PHACTR2: variants seen among roughly 807,000 people sequenced by gnomAD.
PHACTR2 encodes the protein chromosome 6 open reading frame 56.
Under a neutral mutation model 76.0 loss-of-function variants are expected in PHACTR2, and 30 were observed. The ratio of observed to expected loss-of-function variants is 0.39; its 90% CI spans 0.30 to 0.54. The LOEUF is 0.54. PHACTR2 is among the 20% of genes least tolerant of loss of function. PHACTR2 has a pLI of 0.61. For missense variants in PHACTR2, 696 were observed against 781.1 expected (o/e 0.89, Z 1.30); for synonymous variants, 292 against 292.5 (o/e 1.00, Z 0.02).
chr6:143,543,075 G>C lies in PHACTR2; in HGVS notation c.217+5868G>C, dbSNP rs1781186404. Among the ~76,000 whole-genome samples, 1 of 152,254 alleles carries C rather than the reference G, an allele frequency of 6.6e-6. No individual in the cohort carries two copies. The highest frequency in any genetic ancestry group is 2.4e-5 in the African/African-American group (1 of 41,466). On this transcript the variant is annotated intron_variant, in intron 1 of 11. Transcript: ENST00000367584. This position sits in a 1 kb window ranked among gnomAD's most constrained non-coding sequence, Gnocchi z 4.7. ...TGAAAGCAGAGAGGATACTCAGAAAGGGTGTGGCAGGCCAGACACAGCAGT... is the reference window on the plus strand; with the variant it reads ...TGAAAGCAGAGAGGATACTCAGAAACGGTGTGGCAGGCCAGACACAGCAGT...
rs761521081 is a variant in PHACTR2 at position 143,646,330 on chromosome 6, G to A, written c.13+38008G>A. On this transcript the variant is annotated intron_variant, in intron 1 of 11. Transcript: ENST00000305766. The surrounding 1 kb of genome is among the most constrained non-coding windows in gnomAD (Gnocchi z 4.1). Reference sequence around the variant, plus strand: ...ACTTTAAAACTCCTAAATAGAACAAGCATTTATCTAACCTTAATATCATAG... The same window carrying A: ...ACTTTAAAACTCCTAAATAGAACAAACATTTATCTAACCTTAATATCATAG... 8.5e-5 allele frequency among the ~76,000 whole-genome samples: 13 copies of A among 152,098 alleles called. No homozygotes were observed. Among genetic ancestry groups the A allele is most frequent in the Non-Finnish European group, 1.8e-4 (12 of 68,008 alleles).
intron 1 of PHACTR2, among the ~76,000 whole-genome samples, chr6:143,552,375 A>G (rs990812401): frequency 6.6e-6 from 1 of 152,210 alleles, no homozygotes; most frequent in Non-Finnish European, 1.5e-5. Flanking sequence ...GAAAACCCAG[A>G]GAGTCACTGA....
Position 143,653,693 on chromosome 6 carries a change from C to G in PHACTR2, c.13+45371C>G, listed in dbSNP as rs1222759554. Among the ~76,000 whole-genome samples, 1 of 151,582 alleles carries G rather than the reference C, an allele frequency of 6.6e-6. No individual in the cohort carries two copies. Among genetic ancestry groups the G allele is most frequent in the East Asian group, 1.9e-4 (1 of 5,186 alleles). On this transcript the variant is annotated intron_variant, in intron 1 of 11. Coordinates refer to the PHACTR2 transcript ENST00000305766. The surrounding 1 kb of genome is among the most constrained non-coding windows in gnomAD (Gnocchi z 4.9). ...AAGAAGAATAAAGTGAGAACTCTACCTTACATCATATTAAAAAATTAACTC... is the reference window on the plus strand; with the variant it reads ...AAGAAGAATAAAGTGAGAACTCTACGTTACATCATATTAAAAAATTAACTC...
rs756690708 is a variant in PHACTR2 at position 143,571,054 on chromosome 6, T to C, written c.217+33847T>C. ...GCAAAACTGGTACATGGAGTTCTCGTATACTCTTCACCTGGACTCCCCAAA... is the reference window on the plus strand; with the variant it reads ...GCAAAACTGGTACATGGAGTTCTCGCATACTCTTCACCTGGACTCCCCAAA... On this transcript the variant is annotated intron_variant, in intron 1 of 11. Coordinates refer to the PHACTR2 transcript ENST00000367584. The surrounding 1 kb of genome is among the most constrained non-coding windows in gnomAD (Gnocchi z 4.6). Among the ~76,000 whole-genome samples, 5 of 152,224 alleles carry C rather than the reference T, an allele frequency of 3.3e-5. No individual in the cohort carries two copies. The highest frequency in any genetic ancestry group is 5.9e-5 in the Non-Finnish European group (4 of 68,044).
rs1000591288 is a variant in PHACTR2 at position 143,639,437 on chromosome 6, A to G, written c.13+31115A>G. ...TATTCAGAGCCATTTTATAAGTGAC[A>G]CAAGCAAAATAATTCTTATTTTTAA... On this transcript the variant is annotated intron_variant, in intron 1 of 11. Coordinates refer to the PHACTR2 transcript ENST00000305766. The surrounding 1 kb of genome is among the most constrained non-coding windows in gnomAD (Gnocchi z 5.0). Among the ~76,000 whole-genome samples, 3 of 152,226 alleles carry G rather than the reference A, an allele frequency of 2.0e-5. No individual in the cohort carries two copies. The highest frequency in any genetic ancestry group is 7.2e-5 in the African/African-American group (3 of 41,468).
chr6:143,715,240 C>T (rs1778276402), intron 2 of PHACTR2, among the ~76,000 whole-genome samples: 1 of 152,180 alleles, frequency 6.6e-6, no homozygotes, highest in African/African-American at 2.4e-5. Context: ...GTCCAAAATA[C>T]CTCTTCCTTA....
chr6:143,608,762 T>A lies in PHACTR2; in HGVS notation c.13+440T>A, dbSNP rs1775930671. 6.6e-6 allele frequency among the ~76,000 whole-genome samples: 1 copy of A among 152,356 alleles called. No individual in the cohort carries two copies. Among genetic ancestry groups the A allele is most frequent in the Non-Finnish European group, 1.5e-5 (1 of 68,024 alleles). ...ATAAGAGCTCTTTGGTCTGATGCTT[T>A]CATCTTCACGTTAGGATGCAATGTC... is the stretch of plus-strand genomic sequence containing the variant. On this transcript the variant is annotated intron_variant, in intron 1 of 11. Coordinates refer to the PHACTR2 transcript ENST00000305766. The surrounding 1 kb of genome is among the most constrained non-coding windows in gnomAD (Gnocchi z 4.6).
intron 1 of PHACTR2, among the ~76,000 whole-genome samples, chr6:143,705,035 C>A (rs1386707499): frequency 6.6e-6 from 1 of 152,016 alleles, no homozygotes; most frequent in Non-Finnish European, 1.5e-5. Context: ...ACTGTGTTAG[C>A]CAGATGGTCT....
intron 1 of PHACTR2, among the ~76,000 whole-genome samples, chr6:143,582,015 G>T (rs7773678): frequency 2.0e-5 from 3 of 152,114 alleles, no homozygotes; most frequent in Non-Finnish European, 4.4e-5. Flanking sequence ...AGGCTGTACC[G>T]TCAATATGAG....
intron 2 of PHACTR2, among the ~76,000 whole-genome samples, chr6:143,735,952 A>T (rs1778807872): frequency 6.6e-6 from 1 of 152,202 alleles, no homozygotes; most frequent in Non-Finnish European, 1.5e-5. Context: ...TAATATAGGA[A>T]AAAGATATGT....
At chr6:143,719,748 G>A (rs62427402) in intron 2 of PHACTR2, among the ~76,000 whole-genome samples, 2,545 of 146,590 alleles carry the variant, frequency 0.017, 77 homozygotes, top group African/African-American at 0.062. Context: ...GAGAAGTTAC[G>A]TAACCAGCCA....
At chr6:143,788,550 T>C (rs1310929442) in intron 10 of PHACTR2, among the ~76,000 whole-genome samples, 2 of 152,038 alleles carry the variant, frequency 1.3e-5, no homozygotes, top group Non-Finnish European at 2.9e-5. Context: ...CCAAAGACTG[T>C]GACCTATCTA....
Position 143,565,110 on chromosome 6 carries a change from G to A in PHACTR2, c.217+27903G>A, listed in dbSNP as rs370281342. Among the ~76,000 whole-genome samples the A allele has an allele frequency of 5.3e-5, 8 of 152,250 alleles. No homozygotes were observed. In the East Asian group the frequency reaches 1.2e-3, roughly 22 times the overall value. On this transcript the variant is annotated intron_variant, in intron 1 of 11. Coordinates refer to the PHACTR2 transcript ENST00000367584. ...GAATGGAATGAAAATCAGCTTTCAC[G>A]AATCCATTCTCTCATTCTTCTCATT...
intron 10 of PHACTR2, among the ~76,000 whole-genome samples, chr6:143,785,839 G>A (rs916834089): frequency 3.3e-5 from 5 of 152,234 alleles, no homozygotes; most frequent in African/African-American, 1.2e-4. Flanking sequence ...TGGAGTGGCT[G>A]GGGCACAGGG....
Position 143,737,521 on chromosome 6 carries a change from C to A in PHACTR2, c.215-11464C>A, listed in dbSNP as rs867608032. Among the ~76,000 whole-genome samples the A allele has an allele frequency of 2.0e-5, 3 of 151,986 alleles. No individual in the cohort carries two copies. In the South Asian group the frequency reaches 6.2e-4, roughly 32 times the overall value. On this transcript the variant is annotated intron_variant, in intron 2 of 12. Transcript: ENST00000440869. ...ATATTCTTCCTTCTACATTTCATAG[C>A]CTTTCAGTCTTCAAGAAGGATGAGA... is the stretch of plus-strand genomic sequence containing the variant.
intron 6 of PHACTR2, among the ~76,000 whole-genome samples, chr6:143,768,876 G>T (rs1396084083): frequency 6.6e-6 from 1 of 152,154 alleles, no homozygotes. Flanking sequence ...TTAAATTTCA[G>T]TTCATCCTAC....
At chr6:143,813,617 CAA>C (rs373797909) in intron 12 of PHACTR2, among the ~76,000 whole-genome samples, 10,976 of 61,712 alleles carry the variant, frequency 0.18, 146 homozygotes, top group Non-Finnish European at 0.23. Context: ...GACTCCGCCT[CAA>C]AAAAAAAAAA....
Position 143,754,144 on chromosome 6 carries a change from T to TTAAAAG in PHACTR2, c.454+236_454+241dup. 1 of 294,034 alleles carries TTAAAAG rather than the reference T, an allele frequency of 3.4e-6. No individual in the cohort carries two copies. The highest frequency in any genetic ancestry group is 6.0e-5 in the East Asian group (1 of 16,692). 18.2% of individuals were successfully genotyped at this position (294,034 alleles called of 1,614,324 possible). A position where few individuals can be genotyped will look rare whatever the true frequency, so the allele number is the denominator to read the frequency against. On this transcript the variant is annotated intron_variant, in intron 4 of 12. Transcript: ENST00000440869. This position sits in a 1 kb window ranked among gnomAD's most constrained non-coding sequence, Gnocchi z 6.2. Reference sequence around the variant, plus strand: ...TTTTTTCAATTATTAAAAATGTTAATTAAAAGTAATAATCAGAAGGGGTGG... The same window carrying TTAAAAG: ...TTTTTTCAATTATTAAAAATGTTAATTAAAAGTAAAAGTAATAATCAGAAGGGGTGG...
chr6:143,826,753 T>G lies in PHACTR2; in HGVS notation c.*3064T>G, dbSNP rs993165971. 2.0e-5 allele frequency: 3 copies of G among 152,166 alleles called. No homozygotes were observed. The highest frequency in any genetic ancestry group is 7.2e-5 in the African/African-American group (3 of 41,432). The allele number at this position is 152,166 out of a possible 1,614,324, so 9.4% of individuals were successfully genotyped here. On this transcript the variant is annotated 3_prime_UTR_variant, in exon 13 of 13. Coordinates refer to ENST00000440869, the MANE Select transcript of PHACTR2 (RefSeq NM_001100164.2). ...ATAATTTCCTGTGTTATGTGAAGTG[T>G]CTTGCACTTTCACATGTTAGCTATA... is the stretch of plus-strand genomic sequence containing the variant.
Sources: gnomAD v4.1 joint callset for allele counts (sites outside exome capture counted in the v4.1 genomes callset) on GRCh38, gnomAD v4.1.1 for gene constraint, Gnocchi (gnomAD v3.1) non-coding constraint, MANE v1.5 for transcripts, NCBI Gene and HGNC (gene_info 2026-07-23, HGNC 2026-07-21) for gene names.